RIMS1: variants seen among roughly 807,000 people sequenced by gnomAD.
RIMS1 encodes the protein regulating synaptic membrane exocytosis protein 1.
Under a neutral mutation model 214.1 loss-of-function variants are expected in RIMS1, and 83 were observed. The observed-to-expected ratio is 0.39, with a 90% CI of 0.32 to 0.47. The LOEUF (loss-of-function observed/expected upper bound fraction) is 0.47. Among genes scored for constraint, RIMS1 ranks in the 20% least tolerant of loss-of-function variants. RIMS1 has a pLI of 0.99. For synonymous variants in RIMS1, 793 were observed against 786.8 expected (o/e 1.01, Z -0.13); for missense variants, 2,050 against 2,161.8 (o/e 0.95, Z 1.03).
intron 2 of RIMS1, among the ~76,000 whole-genome samples, chr6:72,041,195 C>G (rs1387300469): frequency 1.3e-5 from 2 of 151,902 alleles, no homozygotes; most frequent in East Asian, 3.9e-4. Context: ...TTCTGTCTAT[C>G]TGTCCATCTG....
At chr6:72,370,043 A>G (rs2098166302) in intron 29 of RIMS1, among the ~76,000 whole-genome samples, 1 of 152,228 alleles carries the variant, frequency 6.6e-6, no homozygotes, top group African/African-American at 2.4e-5. Context: ...AGGGAAAAAG[A>G]TTAAAGAGCT....
At chr6:72,026,239 T>G (rs1419915780) in intron 2 of RIMS1, among the ~76,000 whole-genome samples, 1 of 152,178 alleles carries the variant, frequency 6.6e-6, no homozygotes, top group Non-Finnish European at 1.5e-5. Flanking sequence ...GGCAGTGTAT[T>G]GGGCCTGAAA....
chr6:71,988,697 G>C (rs1206861031), intron 2 of RIMS1, among the ~76,000 whole-genome samples: 1 of 152,190 alleles, frequency 6.6e-6, no homozygotes, highest in Non-Finnish European at 1.5e-5. Context: ...GGTGAACCTA[G>C]AGAGTTGTTG....
chr6:71,963,696 T>C (rs991135672), intron 1 of RIMS1, among the ~76,000 whole-genome samples: 2 of 152,168 alleles, frequency 1.3e-5, no homozygotes, highest in Non-Finnish European at 2.9e-5. Context: ...TCAAACCATA[T>C]GAACACAAAT....
At chr6:72,213,042 A>G (rs1052555874) in intron 6 of RIMS1, 1 of 1,528,950 alleles carries the variant, frequency 6.5e-7, no homozygotes, top group African/African-American at 1.4e-5. Flanking sequence ...CTCTTCTTAG[A>G]TAAGATCTTG....
chr6:71,989,748 CAGTT>C (rs1177451014), intron 2 of RIMS1, among the ~76,000 whole-genome samples: 32 of 152,150 alleles, frequency 2.1e-4, no homozygotes, highest in African/African-American at 7.7e-4. Context: ...AGGAATAGAA[CAGTT>C]AGTTAGAAAG....
chr6:72,322,465 C>G (rs901619268), intron 28 of RIMS1, among the ~76,000 whole-genome samples: 1 of 151,994 alleles, frequency 6.6e-6, no homozygotes, highest in African/African-American at 2.4e-5. Flanking sequence ...CTAATTCTAC[C>G]CTTATTCAAA....
intron 29 of RIMS1, among the ~76,000 whole-genome samples, chr6:72,381,457 A>G (rs538874833): frequency 8.5e-5 from 13 of 152,240 alleles, no homozygotes; most frequent in Non-Finnish European, 1.8e-4. Flanking sequence ...AATTTACACG[A>G]GTGAGAAGTT....
At chr6:72,081,013 A>G (rs1833246999) in intron 2 of RIMS1, among the ~76,000 whole-genome samples, 1 of 152,212 alleles carries the variant, frequency 6.6e-6, no homozygotes, top group Non-Finnish European at 1.5e-5. Flanking sequence ...GAGTCAGAGG[A>G]CAAGTAGATT....
chr6:72,325,158 G>A (rs1025277285), intron 28 of RIMS1, among the ~76,000 whole-genome samples: 7 of 151,480 alleles, frequency 4.6e-5, no homozygotes, highest in Non-Finnish European at 1.0e-4. Context: ...TTTGAAACTC[G>A]GTGATGGCAG....
At chr6:72,104,540 G>A (rs1335768445) in intron 4 of RIMS1, among the ~76,000 whole-genome samples, 1 of 152,140 alleles carries the variant, frequency 6.6e-6, no homozygotes, top group Non-Finnish European at 1.5e-5. Context: ...GATAAGAAAT[G>A]TTGGTAGCCG....
chr6:72,078,851 G>A (rs545781556), intron 2 of RIMS1, among the ~76,000 whole-genome samples: 2 of 152,000 alleles, frequency 1.3e-5, no homozygotes, highest in Non-Finnish European at 2.9e-5. Context: ...ATCTAACAAA[G>A]TTTTTTTATA....
intron 24 of RIMS1, among the ~76,000 whole-genome samples, chr6:72,290,016 C>T (rs1276740115): frequency 6.6e-5 from 10 of 152,078 alleles, no homozygotes; most frequent in Non-Finnish European, 1.5e-5. Context: ...TGGACACATA[C>T]ATTTTCAGGT....
intron 2 of RIMS1, among the ~76,000 whole-genome samples, chr6:72,094,997 G>A (rs2030890064): frequency 6.6e-6 from 1 of 151,158 alleles, no homozygotes; most frequent in South Asian, 2.1e-4. Flanking sequence ...TGTCACCCAG[G>A]CTGGAGTGCA....
chr6:72,275,145 T>TATAG (rs2085612066), intron 23 of RIMS1, among the ~76,000 whole-genome samples: 3 of 14,394 alleles, frequency 2.1e-4, no homozygotes, highest in African/African-American at 6.0e-4. Context: ...TATATATATA[T>TATAG]ATATATATAT....
chr6:72,269,136 A>G (rs1324574358), intron 22 of RIMS1, among the ~76,000 whole-genome samples: 3 of 152,102 alleles, frequency 2.0e-5, no homozygotes, highest in Non-Finnish European at 4.4e-5. Flanking sequence ...TACCGCCTGC[A>G]TTTTTTACCT....
At chr6:72,385,101 A>G (rs2098563190) in intron 29 of RIMS1, among the ~76,000 whole-genome samples, 1 of 152,228 alleles carries the variant, frequency 6.6e-6, no homozygotes, top group Admixed American at 6.5e-5. Flanking sequence ...CTACTTTTCT[A>G]ATCTTTTTTA....
intron 26 of RIMS1, among the ~76,000 whole-genome samples, chr6:72,296,367 A>G (rs1218777058): frequency 1.3e-5 from 2 of 151,962 alleles, no homozygotes; most frequent in Non-Finnish European, 1.5e-5. Flanking sequence ...TCTGGATTTT[A>G]CTTTCCAGAT....
intron 29 of RIMS1, among the ~76,000 whole-genome samples, chr6:72,366,503 T>C (rs1470374206): frequency 2.0e-5 from 3 of 152,370 alleles, no homozygotes; most frequent in South Asian, 2.1e-4. Context: ...TTGTTTAAAA[T>C]GTTGTGACTG....
Sources: gnomAD v4.1 joint callset for allele counts (sites outside exome capture counted in the v4.1 genomes callset) on GRCh38, gnomAD v4.1.1 for gene constraint, MANE v1.5 for transcripts, NCBI Gene and HGNC (gene_info 2026-07-23, HGNC 2026-07-21) for gene names.